The following PHACTR1 variants were observed in gnomAD, a reference collection of about 807,000 sequenced individuals.
The protein encoded by PHACTR1 is phosphatase and actin regulator 1, also known as RPEL repeat containing 1.
Under a neutral mutation model 69.2 loss-of-function variants are expected in PHACTR1, and 16 were observed. The observed-to-expected ratio is 0.23, with a 90% confidence interval of 0.16 to 0.35. PHACTR1 has a LOEUF of 0.35. Among genes scored for constraint, PHACTR1 ranks in the 10% least tolerant of loss-of-function variants. PHACTR1 has a pLI of 1.00. For missense variants in PHACTR1, 510 were observed against 734.7 expected, an observed-to-expected ratio of 0.69 and a Z score of 3.54; for synonymous variants, 312 against 284.5, an observed-to-expected ratio of 1.10 and a Z score of -0.97.
intron 5 of PHACTR1, among the ~76,000 whole-genome samples, chr6:13,143,675 A>G (rs1321653904): frequency 6.6e-6 from 1 of 152,220 alleles, no homozygotes; most frequent in Non-Finnish European, 1.5e-5. Flanking sequence ...TAAATTAAAA[A>G]ATAAAATGAG....
At chr6:13,115,055 T>A (rs1817611248) in intron 5 of PHACTR1, among the ~76,000 whole-genome samples, 1 of 152,188 alleles carries the variant, frequency 6.6e-6, no homozygotes. Flanking sequence ...CAAACTGGTC[T>A]GACTCCAGGA....
intron 4 of PHACTR1, among the ~76,000 whole-genome samples, chr6:12,770,955 C>T (rs1453729203): frequency 6.6e-6 from 1 of 152,148 alleles, no homozygotes; most frequent in East Asian, 1.9e-4. Flanking sequence ...GTGCAAATCG[C>T]ATGCACACAT....
chr6:13,232,913 G>A, intron 10 of PHACTR1, among the ~76,000 whole-genome samples: 1 of 152,192 alleles, frequency 6.6e-6, no homozygotes. Flanking sequence ...TACAGTACAA[G>A]GAGAGCCCCA....
At position 12,969,664 on chromosome 6, in the gene PHACTR1, A is replaced by C. The variant is rs374747194; in HGVS notation, c.251-83701A>C. On this transcript the variant is annotated intron_variant, in intron 4 of 14. Transcript: ENST00000332995. ...AAATATCAGGAGAAAATATTATCTT[A>C]AAAATGTTAAGAACAGGACAGGTGC... 4.3e-4 allele frequency among the ~76,000 whole-genome samples: 66 copies of C among 152,348 alleles called. No homozygotes were observed. The South Asian group carries it at 0.013, about 30-fold the overall frequency.
intron 4 of PHACTR1, among the ~76,000 whole-genome samples, chr6:12,941,045 C>T (rs1452240396): frequency 3.3e-5 from 5 of 152,118 alleles, no homozygotes; most frequent in Admixed American, 6.5e-5. Context: ...TTCACTTGGC[C>T]GTTATGTTTC....
intron 4 of PHACTR1, among the ~76,000 whole-genome samples, chr6:12,990,300 C>G (rs1191998940): frequency 6.6e-6 from 1 of 152,150 alleles, no homozygotes; most frequent in Non-Finnish European, 1.5e-5. Flanking sequence ...GAGAGTTGAT[C>G]AGATGTCCCA....
chr6:13,228,148 G>A, intron 9 of PHACTR1, 85 bp downstream of exon 9: 2 of 1,483,910 alleles, frequency 1.3e-6, no homozygotes, highest in South Asian at 1.3e-5. Flanking sequence ...CAGCCCAGCA[G>A]TCTGGGTTCT....
At chr6:12,748,893 C>T (rs78881041) in intron 3 of PHACTR1, among the ~76,000 whole-genome samples, 1,779 of 152,332 alleles carry the variant, frequency 0.012, 37 homozygotes, top group South Asian at 0.074. Flanking sequence ...TACTACCAAA[C>T]GGCTCCCAAA....
chr6:13,135,390 T>C (rs1258323300), intron 5 of PHACTR1, among the ~76,000 whole-genome samples: 1 of 152,210 alleles, frequency 6.6e-6, no homozygotes, highest in Non-Finnish European at 1.5e-5. Context: ...TGTTAGACAT[T>C]GTACACCTGC....
intron 4 of PHACTR1, among the ~76,000 whole-genome samples, chr6:12,901,362 A>G (rs1785165534): frequency 6.6e-6 from 1 of 152,198 alleles, no homozygotes; most frequent in African/African-American, 2.4e-5. Flanking sequence ...AATCCTCCCC[A>G]AAGATGGTAA....
chr6:13,046,249 G>A (rs1805011959), intron 4 of PHACTR1, among the ~76,000 whole-genome samples: 2 of 152,210 alleles, frequency 1.3e-5, no homozygotes, highest in Non-Finnish European at 1.5e-5. Flanking sequence ...AAGCAGCTGA[G>A]GAGCACCAGA....
At chr6:13,128,406 T>G (rs1156707581) in intron 5 of PHACTR1, among the ~76,000 whole-genome samples, 1 of 151,154 alleles carries the variant, frequency 6.6e-6, no homozygotes, top group East Asian at 2.0e-4. Flanking sequence ...TTTTTTTAAA[T>G]GTAGGATATG....
intron 3 of PHACTR1, among the ~76,000 whole-genome samples, chr6:12,728,524 C>A (rs1296965667): frequency 6.6e-6 from 1 of 152,114 alleles, no homozygotes; most frequent in African/African-American, 2.4e-5. Context: ...TTGCACAGCT[C>A]TGAGTTCAAA....
chr6:12,863,467 G>A (rs1036930408), intron 4 of PHACTR1, among the ~76,000 whole-genome samples: 4 of 152,218 alleles, frequency 2.6e-5, no homozygotes, highest in African/African-American at 9.6e-5. Context: ...ATTGGGGTTA[G>A]GACTTTTGAA....
chr6:12,844,497 T>C (rs1779006198), intron 4 of PHACTR1, among the ~76,000 whole-genome samples: 1 of 151,980 alleles, frequency 6.6e-6, no homozygotes, highest in South Asian at 2.1e-4. Context: ...GGCACCCAGG[T>C]CGTGATGCCT....
chr6:12,960,758 T>C (rs898949408), intron 4 of PHACTR1, among the ~76,000 whole-genome samples: 1 of 152,190 alleles, frequency 6.6e-6, no homozygotes, highest in Admixed American at 6.5e-5. Context: ...TCCTGTAGGC[T>C]TTTACCCGAC....
intron 4 of PHACTR1, among the ~76,000 whole-genome samples, chr6:12,824,592 G>A: frequency 6.6e-6 from 1 of 152,150 alleles, no homozygotes; most frequent in Admixed American, 6.5e-5. Flanking sequence ...ACTTAAGAAT[G>A]GAATTCAGAA....
chr6:12,738,979 G>C (rs931119930), intron 3 of PHACTR1, among the ~76,000 whole-genome samples: 3 of 152,232 alleles, frequency 2.0e-5, no homozygotes, highest in Non-Finnish European at 2.9e-5. Context: ...AAACTAATGA[G>C]TACCCATATA....
chr6:13,260,073 ATTTG>A (rs1562083026), intron 10 of PHACTR1, among the ~76,000 whole-genome samples: 1 of 152,172 alleles, frequency 6.6e-6, no homozygotes, highest in East Asian at 1.9e-4. Context: ...GAGATTATTA[ATTTG>A]TTTAACATAA....
Sources: allele counts gnomAD v4.1 joint callset (sites outside exome capture counted in the v4.1 genomes callset), GRCh38; gene constraint gnomAD v4.1.1; transcripts MANE v1.5; gene names NCBI Gene and HGNC (gene_info 2026-07-23, HGNC 2026-07-21).